The following HEATR5B variants were observed in gnomAD, a reference collection of about 807,000 sequenced individuals.
HEATR5B encodes HEAT repeat-containing protein 5B.
In HEATR5B, 156 loss-of-function variants were observed where a neutral mutation model predicts 224.1. That is an observed-to-expected ratio of 0.70 (90% CI 0.61 to 0.80). The LOEUF is 0.80. HEATR5B is among the 30% of genes least tolerant of loss of function. The pLI, the probability that HEATR5B is intolerant of heterozygous loss-of-function variation, is 0.00. For synonymous variants in HEATR5B, 1,027 were observed against 893.0 expected (o/e 1.15, Z -2.68); for missense variants, 2,323 against 2,535.5 (o/e 0.92, Z 1.80).
At chr2:37,069,283 C>G (rs1435553631) in intron 7 of HEATR5B, among the ~76,000 whole-genome samples, 1 of 152,070 alleles carries the variant, frequency 6.6e-6, no homozygotes, top group East Asian at 1.9e-4. Context: ...GCTATAAAAC[C>G]CTTACGTACG....
intron 18 of HEATR5B, among the ~76,000 whole-genome samples, chr2:37,043,780 A>C (rs992582852): frequency 1.3e-5 from 2 of 152,190 alleles, no homozygotes; most frequent in African/African-American, 2.4e-5. Context: ...GTTGAGAAAA[A>C]AAGTTTGTAT....
intron 2 of HEATR5B, among the ~76,000 whole-genome samples, chr2:37,082,878 G>A (rs1672692599): frequency 6.6e-6 from 1 of 151,630 alleles, no homozygotes; most frequent in South Asian, 2.1e-4. Flanking sequence ...CTCCCCAAAC[G>A]AGCTGGTCTC....
intron 21 of HEATR5B, among the ~76,000 whole-genome samples, chr2:37,037,007 T>C (rs958002609): frequency 6.6e-6 from 1 of 151,502 alleles, no homozygotes; most frequent in Non-Finnish European, 1.5e-5. Flanking sequence ...GTAGGTTGCA[T>C]GGCTCCTGAC....
At chr2:36,987,247 G>A (rs1291781493) in intron 35 of HEATR5B, among the ~76,000 whole-genome samples, 1 of 152,074 alleles carries the variant, frequency 6.6e-6, no homozygotes, top group Non-Finnish European at 1.5e-5. Context: ...TGGCCAAGGT[G>A]GTGAAACCCC....
intron 16 of HEATR5B, chr2:37,055,126 C>G: frequency 2.5e-6 from 1 of 396,312 alleles, no homozygotes; most frequent in South Asian, 2.0e-5. Context: ...AGCCGCACAG[C>G]CTGCTGGTTG....
rs1315552549 is a variant in HEATR5B at position 36,981,491 on chromosome 2, T to TA, written c.6214dup (p.Ter2072LeufsTer18). On this transcript the variant is annotated frameshift_variant and stop_lost, in exon 36 of 36. Coordinates refer to ENST00000233099, the MANE Select transcript of HEATR5B (RefSeq NM_019024.3). LOFTEE classifies it high-confidence loss of function. ...AATACAAATAAATGAAATTACAAAT[T>TA]AAAAAAAACTTGTTTTTAGCTTAAT... 6.3e-6 allele frequency: 10 copies of TA among 1,593,990 alleles called. No individual in the cohort carries two copies. The highest frequency in any genetic ancestry group is 2.3e-5 in the South Asian group (2 of 88,326).
At chr2:36,993,450 T>C (rs1453807328) in intron 33 of HEATR5B, among the ~76,000 whole-genome samples, 3 of 151,378 alleles carry the variant, frequency 2.0e-5, no homozygotes, top group South Asian at 2.1e-4. Flanking sequence ...GGCGGGAGAA[T>C]TGCTTGAACA....
At chr2:37,039,323 G>T (rs909317156) in intron 20 of HEATR5B, among the ~76,000 whole-genome samples, 4 of 151,990 alleles carry the variant, frequency 2.6e-5, no homozygotes, top group Non-Finnish European at 5.9e-5. Context: ...CAAATTAGCT[G>T]GGTGTAGTGG....
At chr2:36,999,323 T>C (rs1304631817) in intron 33 of HEATR5B, among the ~76,000 whole-genome samples, 3 of 152,212 alleles carry the variant, frequency 2.0e-5, no homozygotes, top group Non-Finnish European at 4.4e-5. Flanking sequence ...TCTCTCCTGT[T>C]TTATTATTTT....
At chr2:37,033,911 CAT>C (rs1427463649) in intron 21 of HEATR5B, among the ~76,000 whole-genome samples, 1 of 152,118 alleles carries the variant, frequency 6.6e-6, no homozygotes, top group Non-Finnish European at 1.5e-5. Flanking sequence ...AAATCTGACT[CAT>C]GAAGAAAATA....
intron 21 of HEATR5B, among the ~76,000 whole-genome samples, chr2:37,034,042 A>G (rs1669310054): frequency 6.6e-6 from 1 of 152,126 alleles, no homozygotes; most frequent in African/African-American, 2.4e-5. Flanking sequence ...CCCCTTCACA[A>G]TGCCAGATAG....
chr2:36,995,406 C>T (rs1666630416), intron 33 of HEATR5B, among the ~76,000 whole-genome samples: 2 of 152,144 alleles, frequency 1.3e-5, no homozygotes, highest in African/African-American at 2.4e-5. Flanking sequence ...TCTATACACA[C>T]ATATACATAT....
chr2:37,069,097 G>A (rs1234388597), intron 7 of HEATR5B, among the ~76,000 whole-genome samples, 167 bp from the exon 8 acceptor site: 2 of 152,186 alleles, frequency 1.3e-5, no homozygotes, highest in Admixed American at 6.5e-5. Context: ...TCTGGAATAC[G>A]AATTATTAGT....
chr2:37,064,279 GT>G (rs1168347754), intron 10 of HEATR5B, among the ~76,000 whole-genome samples: 1,460 of 127,146 alleles, frequency 0.011, 5 homozygotes, highest in Non-Finnish European at 0.017. Flanking sequence ...CTAAGGTTGG[GT>G]TTTTTTTTTT....
intron 16 of HEATR5B, 132 bp downstream of exon 16, chr2:37,056,308 A>C: frequency 3.6e-6 from 2 of 552,354 alleles, no homozygotes; most frequent in Admixed American, 7.7e-5. Flanking sequence ...TACATTAGTA[A>C]ATCTGTAAGA....
At chr2:37,066,341 G>A (rs963001185) in intron 8 of HEATR5B, among the ~76,000 whole-genome samples, 2 of 152,174 alleles carry the variant, frequency 1.3e-5, no homozygotes, top group Non-Finnish European at 2.9e-5. Flanking sequence ...GTACTGTGGT[G>A]ATTAAAAAGT....
chr2:36,995,663 T>A (rs1355562753), intron 33 of HEATR5B, among the ~76,000 whole-genome samples: 1 of 152,204 alleles, frequency 6.6e-6, no homozygotes, highest in Non-Finnish European at 1.5e-5. Context: ...AATTACTATG[T>A]TTTGGTTTAA....
At chr2:37,075,344 C>A in intron 5 of HEATR5B, 141 bp downstream of exon 5, 1 of 582,304 alleles carries the variant, frequency 1.7e-6, no homozygotes, top group Non-Finnish European at 2.9e-6. Flanking sequence ...TGATGTGATA[C>A]TATTATATAT....
chr2:37,053,001 T>G (rs1395024472), intron 17 of HEATR5B, among the ~76,000 whole-genome samples: 1 of 152,154 alleles, frequency 6.6e-6, no homozygotes, highest in Non-Finnish European at 1.5e-5. Flanking sequence ...AGGAAGGGAC[T>G]ACTGTATTCT....
Sources: gnomAD v4.1 joint callset for allele counts (sites outside exome capture counted in the v4.1 genomes callset) on GRCh38, gnomAD v4.1.1 for gene constraint, MANE v1.5 for transcripts, NCBI Gene and HGNC (gene_info 2026-07-23, HGNC 2026-07-21) for gene names.